The following MOB3B variants were observed in gnomAD, a reference collection of about 807,000 sequenced individuals.
MOB3B encodes the protein MOB kinase activator 3B, also known as MOB kinase activator-like 2B.
MOB3B carries 7 observed loss-of-function variants against 18.7 expected under a neutral mutation model. The ratio of observed to expected loss-of-function variants is 0.37; its 90% CI spans 0.21 to 0.70. The LOEUF is 0.70. Ranked by LOEUF, MOB3B falls within the 30% of genes least tolerant of loss-of-function variation. The probability of loss-of-function intolerance (pLI) is 0.52; values close to 1 mark genes in which losing one functional copy is unlikely to be tolerated. For synonymous variants in MOB3B, 111 were observed against 99.9 expected (o/e 1.11, Z -0.66); for missense variants, 253 against 281.3 (o/e 0.90, Z 0.72).
intron 1 of MOB3B, among the ~76,000 whole-genome samples, chr9:27,474,994 G>C (rs972139715): frequency 1.3e-5 from 2 of 152,212 alleles, no homozygotes; most frequent in African/African-American, 4.8e-5. Flanking sequence ...CTGACTTCTA[G>C]TGAACAGAAT....
At chr9:27,331,094 G>A (rs1228503008) in intron 3 of MOB3B, among the ~76,000 whole-genome samples, 1 of 152,118 alleles carries the variant, frequency 6.6e-6, no homozygotes, top group Admixed American at 6.5e-5. Context: ...AAAAATAAAG[G>A]ATAAGTGGGT....
chr9:27,326,822 C>G lies in MOB3B; in HGVS notation c.*3765G>C. 5.4e-6 allele frequency: 2 copies of G among 371,516 alleles called. No individual in the cohort carries two copies. The highest frequency in any genetic ancestry group is 9.5e-6 in the Non-Finnish European group (2 of 209,662). 23.0% of individuals were successfully genotyped at this position (371,516 alleles called of 1,614,324 possible). A position where few individuals can be genotyped will look rare whatever the true frequency, so the allele number is the denominator to read the frequency against. ...CCTAATCATCTCTCCCTTGCACCAT[C>G]ACCATGAAATTTTAATACCACATAA... On this transcript the variant is annotated 3_prime_UTR_variant, in exon 4 of 4. Transcript: ENST00000262244.
chr9:27,377,457 G>A (rs148248525), intron 2 of MOB3B, among the ~76,000 whole-genome samples: 4 of 152,242 alleles, frequency 2.6e-5, no homozygotes, highest in African/African-American at 7.2e-5. Context: ...ACTGCCAGGG[G>A]TGGGAGGAAG....
chr9:27,521,813 A>T (rs1820336434), intron 1 of MOB3B, among the ~76,000 whole-genome samples: 1 of 152,186 alleles, frequency 6.6e-6, no homozygotes, highest in African/African-American at 2.4e-5. Flanking sequence ...CCTTAGGGAG[A>T]ATCCACATTT....
chr9:27,331,378 G>A (rs867471285), intron 3 of MOB3B, among the ~76,000 whole-genome samples: 5 of 152,070 alleles, frequency 3.3e-5, no homozygotes, highest in Admixed American at 6.5e-5. Context: ...AGACCTTCCC[G>A]CACTCCTGCC....
rs570324414 is a variant in MOB3B, at chr9:27,413,679, A to C, written c.418+41454T>G. 2.0e-5 allele frequency among the ~76,000 whole-genome samples: 3 copies of C among 152,336 alleles called. No homozygotes were observed. The South Asian group carries it at 6.2e-4, about 32-fold the overall frequency. On this transcript the variant is annotated intron_variant, in intron 2 of 3. Coordinates refer to ENST00000262244, the MANE Select transcript of MOB3B (RefSeq NM_024761.5). ...GATTACAGAAATGACAGTGAAGAGA[A>C]ATGAAATCCAACATGCAATAGAAAG...
Position 27,449,587 on chromosome 9 carries a change from T to C in MOB3B, c.418+5546A>G, listed in dbSNP as rs368000845. 1.2e-4 allele frequency among the ~76,000 whole-genome samples: 18 copies of C among 152,318 alleles called. No homozygotes were observed. In the East Asian group the frequency reaches 2.9e-3, roughly 24 times the overall value. ...TACAAGTCCAGTACTAATTCCAACA[T>C]ACTGTAAATATATTTTGTTGATGCC... On this transcript the variant is annotated intron_variant, in intron 2 of 3. Transcript: ENST00000262244.
At chr9:27,478,612 T>C (rs758820632) in intron 1 of MOB3B, among the ~76,000 whole-genome samples, 2 of 151,380 alleles carry the variant, frequency 1.3e-5, no homozygotes, top group African/African-American at 2.4e-5. Context: ...AAAAAAGGGA[T>C]CAAAAAATGT....
At chr9:27,450,202 A>G (rs990439547) in intron 2 of MOB3B, among the ~76,000 whole-genome samples, 17 of 152,168 alleles carry the variant, frequency 1.1e-4, no homozygotes, top group East Asian at 3.9e-4. Flanking sequence ...ACCACTGAAC[A>G]GACTACTTAC....
At chr9:27,515,085 T>C (rs1360568350) in intron 1 of MOB3B, among the ~76,000 whole-genome samples, 1 of 152,210 alleles carries the variant, frequency 6.6e-6, no homozygotes, top group African/African-American at 2.4e-5. Flanking sequence ...ATTATCTCTT[T>C]GCTTGTAGGA....
rs1820499581 is a variant in MOB3B at position 27,529,589 on chromosome 9, G to A, written c.-233C>T. ...TTACCTCCAGCCCAGGGCCCGGTCG[G>A]CTCCCTTCGCCGGGTCAGCTGCAGC... On this transcript the variant is annotated 5_prime_UTR_variant, in exon 1 of 4. Coordinates refer to ENST00000262244, the MANE Select transcript of MOB3B (RefSeq NM_024761.5). The A allele has an allele frequency of 2.0e-6, 2 of 985,608 alleles. No homozygotes were observed. The highest frequency in any genetic ancestry group is 6.1e-5 in the Admixed American group (1 of 16,270). The allele number at this position is 985,608 out of a possible 1,614,324, so 61.1% of individuals were successfully genotyped here.
intron 2 of MOB3B, among the ~76,000 whole-genome samples, chr9:27,437,150 G>T (rs1478162290): frequency 1.3e-5 from 2 of 152,116 alleles, no homozygotes; most frequent in Admixed American, 1.3e-4. Context: ...CCAAGGTAAG[G>T]ATTTAAGATT....
chr9:27,437,763 A>G (rs1056867788), intron 2 of MOB3B, among the ~76,000 whole-genome samples: 1 of 152,186 alleles, frequency 6.6e-6, no homozygotes, highest in African/African-American at 2.4e-5. Flanking sequence ...CCTGCCTTAT[A>G]TTTGACAGGG....
chr9:27,433,024 A>C (rs140491006), intron 2 of MOB3B, among the ~76,000 whole-genome samples: 304 of 152,314 alleles, frequency 2.0e-3, no homozygotes, highest in African/African-American at 6.9e-3. Context: ...CTTTTCTTTA[A>C]GAAAATCAAC....
intron 3 of MOB3B, among the ~76,000 whole-genome samples, chr9:27,357,885 C>T (rs1195310185): frequency 2.3e-5 from 1 of 42,692 alleles, no homozygotes; most frequent in Admixed American, 4.0e-4. Context: ...GATCCCATCG[C>T]TACAAAAAAA....
At chr9:27,432,047 T>A (rs1480870847) in intron 2 of MOB3B, among the ~76,000 whole-genome samples, 1 of 152,134 alleles carries the variant, frequency 6.6e-6, no homozygotes, top group African/African-American at 2.4e-5. Flanking sequence ...GCAAAAGACA[T>A]CAGACGATCA....
At chr9:27,343,952 G>T (rs1429575102) in intron 3 of MOB3B, among the ~76,000 whole-genome samples, 1 of 152,030 alleles carries the variant, frequency 6.6e-6, no homozygotes, top group East Asian at 1.9e-4. Flanking sequence ...AAAGCCATAG[G>T]TACCAAGATA....
chr9:27,442,878 C>T (rs1822616829), intron 2 of MOB3B, among the ~76,000 whole-genome samples: 1 of 152,192 alleles, frequency 6.6e-6, no homozygotes, highest in Non-Finnish European at 1.5e-5. Context: ...CCTGTCTCAT[C>T]TGCTACCATA....
At chr9:27,488,888 T>C (rs1468477690) in intron 1 of MOB3B, among the ~76,000 whole-genome samples, 2 of 152,224 alleles carry the variant, frequency 1.3e-5, no homozygotes, top group Non-Finnish European at 2.9e-5. Flanking sequence ...GTGCCAGGGC[T>C]GACAAATTGA....
Sources: gnomAD v4.1 joint callset for allele counts (sites outside exome capture counted in the v4.1 genomes callset) on GRCh38, gnomAD v4.1.1 for gene constraint, MANE v1.5 for transcripts, NCBI Gene and HGNC (gene_info 2026-07-23, HGNC 2026-07-21) for gene names.